Variants in TSPAN1 observed in about 807,000 individuals in gnomAD.
TSPAN1 encodes the protein tetraspanin 1.
In TSPAN1, 23 loss-of-function variants were observed where a neutral mutation model predicts 26.9. That is an observed-to-expected ratio of 0.85 (90% CI 0.62 to 1.21). TSPAN1 has a LOEUF of 1.21. Among genes scored for constraint, TSPAN1 ranks in the 50% most tolerant of loss-of-function variants. The probability of loss-of-function intolerance (pLI) is 0.00; values close to 1 mark genes in which losing one functional copy is unlikely to be tolerated. For missense variants in TSPAN1, 283 were observed against 298.4 expected (o/e 0.95, Z 0.38); for synonymous variants, 115 against 114.8 (o/e 1.00, Z -0.01).
At chr1:46,189,783 C>A (rs1024535151), downstream of TSPAN1, 2 of 1,602,872 alleles carry the variant, frequency 1.2e-6, no homozygotes, top group South Asian at 2.2e-5. Context: ...AGAGCAAAGG[C>A]TCCCTGGATC....
At chr1:46,189,992 G>A, downstream of TSPAN1, 1 of 1,613,834 alleles carries the variant, frequency 6.2e-7, no homozygotes, top group Non-Finnish European at 8.5e-7. Context: ...CAGCCTCACT[G>A]CAGTAGAGGG....
intron 3 of TSPAN1, 80 bp downstream of exon 3, chr1:46,181,244 G>A: frequency 1.4e-6 from 2 of 1,398,528 alleles, no homozygotes; most frequent in Non-Finnish European, 2.0e-6. Flanking sequence ...GCTGGGGAAT[G>A]GGAGACTGCT....
At chr1:46,186,853 G>A (rs772909885), downstream of TSPAN1, among the ~76,000 whole-genome samples, 16 of 151,874 alleles carry the variant, frequency 1.1e-4, no homozygotes, top group Non-Finnish European at 1.9e-4. Flanking sequence ...TAGTAGAGAC[G>A]GGGTTTCACT....
chr1:46,189,236 CAGTA>C (rs1553162554), downstream of TSPAN1: 2 of 1,600,426 alleles, frequency 1.2e-6, no homozygotes, highest in Admixed American at 1.7e-5. Context: ...TGGGGGTACA[CAGTA>C]CCCAGCCCCG....
Position 46,185,220 on chromosome 1 carries a change from T to C in TSPAN1, c.595-5T>C. The C allele has an allele frequency of 6.2e-7, 1 of 1,614,206 alleles. No homozygotes were observed. The highest frequency in any genetic ancestry group is 8.5e-7 in the Non-Finnish European group (1 of 1,180,040). ...AACTATAAATGCTCTTTTCTCTTCC[T>C]GAAGGGTTGCTTCAATCAGCTTTTG... is the stretch of plus-strand genomic sequence containing the variant. On this transcript the variant is annotated splice_region_variant and splice_polypyrimidine_tract_variant and intron_variant, in intron 7 of 8. Transcript: ENST00000372003.
intron 1 of TSPAN1, among the ~76,000 whole-genome samples, chr1:46,178,877 C>T (rs1382626616): frequency 1.3e-5 from 2 of 152,168 alleles, no homozygotes; most frequent in Non-Finnish European, 2.9e-5. Flanking sequence ...AAGTCTATCT[C>T]ATGGGATGGT....
the TSPAN1 span, among the ~76,000 whole-genome samples, chr1:46,196,363 C>T: frequency 3.3e-5 from 5 of 152,228 alleles, no homozygotes; most frequent in Non-Finnish European, 5.9e-5. This position sits in a 1 kb window ranked among gnomAD's most constrained non-coding sequence, Gnocchi z 4.4. Flanking sequence ...CAATCCTCCA[C>T]CACACTGAAC....
rs147317474 is a variant in TSPAN1, at chr1:46,185,377, C to T, written c.678+69C>T. 1.2e-4 allele frequency: 191 copies of T among 1,609,008 alleles called. No homozygotes were observed. In the African/African-American group the frequency reaches 2.4e-3, roughly 20 times the overall value. On this transcript the variant is annotated intron_variant, in intron 8 of 8. Coordinates refer to ENST00000372003, the MANE Select transcript of TSPAN1 (RefSeq NM_005727.4). ...CAGGGCTGCTCAACCCATCTGAGGCCTCTCTGGAGGAAACAGACTTCTAAC... is the reference window on the plus strand; with the variant it reads ...CAGGGCTGCTCAACCCATCTGAGGCTTCTCTGGAGGAAACAGACTTCTAAC...
chr1:46,191,485 C>A, the TSPAN1 span: 1 of 184,810 alleles, frequency 5.4e-6, no homozygotes, highest in Non-Finnish European at 1.1e-5. Flanking sequence ...GGCAGAAATA[C>A]TCTCCCCAGA....
chr1:46,183,307 G>T (rs142614484), intron 3 of TSPAN1: 1 of 152,398 alleles, frequency 6.6e-6, no homozygotes, highest in East Asian at 1.9e-4. Flanking sequence ...CTGCAGGCTA[G>T]AAGTCCAGCT....
chr1:46,189,642 C>T, downstream of TSPAN1: 1 of 1,561,072 alleles, frequency 6.4e-7, no homozygotes. Context: ...CCCTTTGGCC[C>T]AGCCCCCACC....
chr1:46,190,697 C>A, downstream of TSPAN1: 3 of 1,603,182 alleles, frequency 1.9e-6, no homozygotes, highest in Non-Finnish European at 1.7e-6. Context: ...ATATCCACCC[C>A]TTGCCCTGCT....
At chr1:46,176,299 G>A in intron 1 of TSPAN1, 2 of 1,535,808 alleles carry the variant, frequency 1.3e-6, no homozygotes, top group Non-Finnish European at 1.7e-6. Context: ...CCTGGTGGCA[G>A]GATTGATGGC....
chr1:46,196,114 C>G, the TSPAN1 span: 1 of 1,613,492 alleles, frequency 6.2e-7, no homozygotes, highest in Non-Finnish European at 8.5e-7. This position sits in a 1 kb window ranked among gnomAD's most constrained non-coding sequence, Gnocchi z 4.4. Context: ...GCTTTTCACT[C>G]TGGCATTCAA....
chr1:46,190,555 G>A (rs553844449), downstream of TSPAN1: 6 of 1,563,210 alleles, frequency 3.8e-6, no homozygotes, highest in South Asian at 5.6e-5. Context: ...GGAGTGGGCA[G>A]GCCCTCAGGT....
chr1:46,183,090 C>T (rs903796211), intron 3 of TSPAN1, among the ~76,000 whole-genome samples: 1 of 152,196 alleles, frequency 6.6e-6, no homozygotes, highest in Non-Finnish European at 1.5e-5. Flanking sequence ...GCGGGGATTA[C>T]AGGCATGAGC....
At chr1:46,192,469 G>A in the TSPAN1 span, 13 of 1,614,028 alleles carry the variant, frequency 8.1e-6, no homozygotes, top group Non-Finnish European at 1.1e-5. Context: ...GGAGGTATTA[G>A]CTGAGGCCTC....
chr1:46,179,243 G>C (rs1475239113), intron 1 of TSPAN1, among the ~76,000 whole-genome samples: 4 of 151,450 alleles, frequency 2.6e-5, no homozygotes, highest in Non-Finnish European at 5.9e-5. Flanking sequence ...AGCTCAGGAG[G>C]TCAAGGCTGC....
downstream of TSPAN1, among the ~76,000 whole-genome samples, chr1:46,188,507 T>G (rs1247280736): frequency 1.3e-5 from 2 of 152,042 alleles, no homozygotes; most frequent in Non-Finnish European, 2.9e-5. Flanking sequence ...TAGGGTAGAG[T>G]TGGGGAAAAA....
Sources: gnomAD v4.1 joint callset for allele counts (sites outside exome capture counted in the v4.1 genomes callset) on GRCh38, gnomAD v4.1.1 for gene constraint, Gnocchi (gnomAD v3.1) non-coding constraint, MANE v1.5 for transcripts, NCBI Gene and HGNC (gene_info 2026-07-23, HGNC 2026-07-21) for gene names.